Variants in CHM observed in about 807,000 individuals in gnomAD.
The protein encoded by CHM is CHM Rab escort protein, also known as rab proteins geranylgeranyltransferase component A 1.
In CHM, 10 loss-of-function variants were observed where a neutral mutation model predicts 49.0. That is an observed-to-expected ratio of 0.20 (90% CI 0.13 to 0.35). The LOEUF (loss-of-function observed/expected upper bound fraction) is 0.35, where lower values mean the gene tolerates loss of function less well. Ranked by LOEUF, CHM falls within the 10% of genes least tolerant of loss-of-function variation. The pLI, the probability that CHM is intolerant of heterozygous loss-of-function variation, is 1.00. For missense variants in CHM, 455 were observed against 478.4 expected, an observed-to-expected ratio of 0.95 and a Z score of 0.46; for synonymous variants, 184 against 167.5, an observed-to-expected ratio of 1.10 and a Z score of -0.76.
rs770800610 is a variant in CHM at position 86,005,133 on chromosome X, G to A, written c.116+22358C>T. ...CTCACTCAAAACTGCATAACCACATGGAAACTGAACAACTTGCTCCTGAAT... is the reference window on the plus strand; with the variant it reads ...CTCACTCAAAACTGCATAACCACATAGAAACTGAACAACTTGCTCCTGAAT... On this transcript the variant is annotated intron_variant, in intron 2 of 14. Coordinates refer to ENST00000357749, the MANE Select transcript of CHM (RefSeq NM_000390.4). Among the ~76,000 whole-genome samples the A allele has an allele frequency of 6.1e-3, 686 of 111,941 alleles. 4 individuals carry two copies. Among genetic ancestry groups the A allele is most frequent in the African/African-American group, 0.02 (615 of 30,792 alleles).
chrX:85,991,767 A>T (rs772575787), intron 2 of CHM, among the ~76,000 whole-genome samples: 78 of 106,284 alleles, frequency 7.3e-4, no homozygotes, highest in South Asian at 2.7e-3. Context: ...TTTTTTTTTT[A>T]AAGTATATTA....
chrX:85,903,660 G>T (rs1926416044), intron 9 of CHM: 1 of 382,990 alleles, frequency 2.6e-6, no homozygotes, highest in African/African-American at 2.6e-5. Flanking sequence ...TCACACCTGG[G>T]GGACTTTTTG....
At chrX:86,007,458 T>C (rs1932886251) in intron 2 of CHM, among the ~76,000 whole-genome samples, 2 of 111,322 alleles carry the variant, frequency 1.8e-5, no homozygotes, top group Non-Finnish European at 3.8e-5. Context: ...GAAACTACCA[T>C]CAGAGTGAAC....
At chrX:86,008,607 A>C (rs956069057) in intron 2 of CHM, among the ~76,000 whole-genome samples, 1 of 111,919 alleles carries the variant, frequency 8.9e-6, no homozygotes, top group Non-Finnish European at 1.9e-5. Context: ...TTCCCTTAAT[A>C]AACAGCTATT....
intron 1 of CHM, among the ~76,000 whole-genome samples, chrX:86,029,677 A>G (rs1933966020): frequency 9.0e-6 from 1 of 111,598 alleles, no homozygotes; most frequent in African/African-American, 3.3e-5. Context: ...ATAATTCACT[A>G]TCTCCAACTT....
At chrX:85,911,460 T>C in intron 8 of CHM, 122 bp from the exon 9 acceptor site, 2 of 295,405 alleles carry the variant, frequency 6.8e-6, no homozygotes, top group Non-Finnish European at 1.3e-5. Flanking sequence ...TTTGATAATG[T>C]ACTATTTTCT....
intron 2 of CHM, among the ~76,000 whole-genome samples, chrX:86,018,170 T>A (rs773315141): frequency 8.9e-6 from 1 of 112,188 alleles, no homozygotes; most frequent in South Asian, 3.7e-4. Flanking sequence ...TTAGAAGGCA[T>A]AAAGAACTCA....
At chrX:86,033,865 C>A (rs1256293150) in intron 1 of CHM, among the ~76,000 whole-genome samples, 1 of 112,035 alleles carries the variant, frequency 8.9e-6, no homozygotes, top group Non-Finnish European at 1.9e-5. Flanking sequence ...AATTTAAAAT[C>A]TCTGAACTTC....
rs774866153 is a variant in CHM at position 86,038,792 on chromosome X, G to A, written c.49+8692C>T. Among the ~76,000 whole-genome samples, 21 of 112,059 alleles carry A rather than the reference G, an allele frequency of 1.9e-4. 1 individual carries two copies. Among genetic ancestry groups the A allele is most frequent in the African/African-American group, 6.8e-4 (21 of 30,834 alleles). ...AAGCTGACACAGATGTCATGATGCT[G>A]TCAATAATAAGAAGCTGACATCATG... On this transcript the variant is annotated intron_variant, in intron 1 of 14. Coordinates refer to ENST00000357749, the MANE Select transcript of CHM (RefSeq NM_000390.4).
At position 86,047,515 on chromosome X, in the gene CHM, A is replaced by C. The variant is rs1230322325; in HGVS notation, c.18T>G (p.Pro6=). The C allele has an allele frequency of 4.1e-6, 5 of 1,207,976 alleles. No homozygotes were observed. Among genetic ancestry groups the C allele is most frequent in the Admixed American group, 2.2e-5 (1 of 45,865 alleles). MADTL[P]SEFDVIVIGT... The stretch of plus-strand genomic sequence containing the variant: ...CTATTACGATCACATCAAACTCCGA[A>C]GGGAGAGTATCCGCCATCTTGACGG... The change falls in exon 1 of 15, where the codon CCT becomes CCG. Residue 6 remains proline, a synonymous_variant. Transcript: ENST00000357749.
At chrX:85,958,547 GTTTC>G (rs1930122702) in intron 6 of CHM, among the ~76,000 whole-genome samples, 1 of 111,012 alleles carries the variant, frequency 9.0e-6, no homozygotes, top group South Asian at 3.8e-4. Context: ...AAAAATCACC[GTTTC>G]TTTCTTTTCC....
rs768225185 is a variant in CHM, at chrX:85,894,198, C to T, written c.1500G>A (p.Met500Ile). The change falls in exon 12 of 15, where the codon ATG becomes ATA. Residue 500 changes from methionine to isoleucine, a missense_variant. Met to Ile is a conservative substitution (Grantham distance 10). Coordinates refer to ENST00000357749, the MANE Select transcript of CHM (RefSeq NM_000390.4). ...IELCSSTMTC[M>I]KGTYLVHLTC... Reference sequence around the variant, plus strand: ...CTCTACTATGCTTACAGGTGCCTTTCATGCATGTCATCGTTGAAGAACATA... The same window carrying T: ...CTCTACTATGCTTACAGGTGCCTTTTATGCATGTCATCGTTGAAGAACATA... 2 of 1,206,797 alleles carry T rather than the reference C, an allele frequency of 1.7e-6. No homozygotes were observed. Among genetic ancestry groups the T allele is most frequent in the South Asian group, 1.8e-5 (1 of 56,860 alleles).
At chrX:85,920,181 T>C (rs374452683) in intron 8 of CHM, among the ~76,000 whole-genome samples, 4 of 109,791 alleles carry the variant, frequency 3.6e-5, no homozygotes, top group South Asian at 8.0e-4. Flanking sequence ...CTGCAAGCTC[T>C]GCCTCCCTGG....
Position 85,863,382 on chromosome X carries a change from G to A in CHM, c.*1248C>T, listed in dbSNP as rs187298901. ...TGCTGGGATTACAGGCAGCCCTAAC[G>A]TTTTTATGTAGTGTATATTAGGGCT... On this transcript the variant is annotated 3_prime_UTR_variant, in exon 15 of 15. Coordinates refer to ENST00000357749, the MANE Select transcript of CHM (RefSeq NM_000390.4). 1 of 111,568 alleles carries A rather than the reference G, an allele frequency of 9.0e-6. No homozygotes were observed. The highest frequency in any genetic ancestry group is 9.6e-5 in the Admixed American group (1 of 10,460). 9.2% of individuals were successfully genotyped at this position (111,568 alleles called of 1,213,427 possible).
chrX:85,996,937 C>T (rs941001990), intron 2 of CHM, among the ~76,000 whole-genome samples: 3 of 111,678 alleles, frequency 2.7e-5, no homozygotes, highest in Non-Finnish European at 5.6e-5. Flanking sequence ...TTTTATCTAT[C>T]AACACAGTTT....
At chrX:85,976,464 T>C (rs1249233368) in intron 4 of CHM, among the ~76,000 whole-genome samples, 9 of 110,140 alleles carry the variant, frequency 8.2e-5, no homozygotes, top group African/African-American at 2.7e-4. Context: ...CTACTAAAAA[T>C]ACAAAAAATT....
intron 2 of CHM, among the ~76,000 whole-genome samples, chrX:86,004,318 G>C (rs753149108): frequency 3.6e-5 from 4 of 111,945 alleles, no homozygotes; most frequent in Non-Finnish European, 7.5e-5. Flanking sequence ...ATGCCAAATT[G>C]TAAAGACCAT....
At chrX:85,890,526 A>G (rs1268091042) in intron 12 of CHM, among the ~76,000 whole-genome samples, 2 of 111,498 alleles carry the variant, frequency 1.8e-5, no homozygotes, top group Non-Finnish European at 3.8e-5. Flanking sequence ...GTGATAGTGA[A>G]TAAGTCTCAA....
chrX:85,986,822 C>T (rs1420990470), intron 2 of CHM, among the ~76,000 whole-genome samples: 2 of 111,520 alleles, frequency 1.8e-5, no homozygotes, highest in Non-Finnish European at 3.8e-5. Flanking sequence ...CAGGCTAAGC[C>T]GCCTGAAATG....
Sources: allele counts gnomAD v4.1 joint callset (sites outside exome capture counted in the v4.1 genomes callset), GRCh38; gene constraint gnomAD v4.1.1; transcripts MANE v1.5; gene names NCBI Gene and HGNC (gene_info 2026-07-23, HGNC 2026-07-21).